Variants in CDIN1 observed in about 807,000 individuals in gnomAD.
CDIN1 encodes CDAN1 interacting nuclease 1.
Under a neutral mutation model 45.3 loss-of-function variants are expected in CDIN1, and 33 were observed. That is an observed-to-expected ratio of 0.73 (90% CI 0.55 to 0.97). The LOEUF is 0.97. Among genes scored for constraint, CDIN1 ranks in the 50% least tolerant of loss-of-function variants. The pLI, the probability that CDIN1 is intolerant of heterozygous loss-of-function variation, is 0.00. For synonymous variants in CDIN1, 118 were observed against 124.4 expected (o/e 0.95, Z 0.34); for missense variants, 303 against 339.4 (o/e 0.89, Z 0.84).
intron 1 of CDIN1, chr15:36,617,453 G>T: frequency 2.0e-6 from 2 of 1,002,484 alleles, no homozygotes; most frequent in South Asian, 2.5e-5. Context: ...CTAAAAGAAT[G>T]TCTAAAGAAA....
At chr15:36,742,079 A>C (rs936037672) in intron 10 of CDIN1, among the ~76,000 whole-genome samples, 1 of 152,206 alleles carries the variant, frequency 6.6e-6, no homozygotes, top group African/African-American at 2.4e-5. Flanking sequence ...GCGTAGATGA[A>C]ACCAATTATC....
chr15:36,694,472 G>A (rs1269287034), intron 7 of CDIN1, among the ~76,000 whole-genome samples: 1 of 152,158 alleles, frequency 6.6e-6, no homozygotes, highest in Non-Finnish European at 1.5e-5. Context: ...TTATGAAAAT[G>A]TTATGTTTGT....
Position 36,622,024 on chromosome 15 carries a change from A to G in CDIN1, c.102-22254A>G, listed in dbSNP as rs918890520. On this transcript the variant is annotated intron_variant, in intron 1 of 10. Transcript: ENST00000566621. ...ATCTTTCTTTTCCCTGTTTCATTTG[A>G]CACAATTCATTGAAATGATGACTAC... Among the ~76,000 whole-genome samples the G allele has an allele frequency of 1.6e-4, 25 of 152,284 alleles. 1 individual carries two copies. The East Asian group carries it at 3.1e-3, about 19-fold the overall frequency.
chr15:36,794,496 T>C (rs2054738835), intron 10 of CDIN1, among the ~76,000 whole-genome samples: 1 of 152,182 alleles, frequency 6.6e-6, no homozygotes, highest in Admixed American at 6.5e-5. Flanking sequence ...ACTTCCTCTT[T>C]TTATGATTTT....
chr15:36,648,040 C>T (rs1259981163), intron 3 of CDIN1, among the ~76,000 whole-genome samples: 3 of 151,976 alleles, frequency 2.0e-5, no homozygotes, highest in South Asian at 2.1e-4. Flanking sequence ...GGGGTTTCAC[C>T]GTGTTAGCCA....
chr15:36,637,252 A>G (rs2039937963), intron 1 of CDIN1, among the ~76,000 whole-genome samples: 2 of 152,248 alleles, frequency 1.3e-5, no homozygotes, highest in Admixed American at 1.3e-4. Flanking sequence ...AATTGAAGGT[A>G]AATCATACAC....
chr15:36,609,915 T>C (rs966625834), intron 1 of CDIN1, among the ~76,000 whole-genome samples: 8 of 152,186 alleles, frequency 5.3e-5, no homozygotes, highest in African/African-American at 1.9e-4. Context: ...AGTAAAGCTG[T>C]GAAAAGGAAA....
intron 5 of CDIN1, among the ~76,000 whole-genome samples, chr15:36,688,206 G>C (rs771704639): frequency 3.4e-4 from 52 of 151,824 alleles, no homozygotes; most frequent in Non-Finnish European, 4.7e-4. Context: ...CCAACATTTG[G>C]TCTCATGAAA....
At chr15:36,635,712 T>C (rs568052870) in intron 1 of CDIN1, among the ~76,000 whole-genome samples, 1 of 152,310 alleles carries the variant, frequency 6.6e-6, no homozygotes, top group South Asian at 2.1e-4. Context: ...TAAACTTTGT[T>C]CGGGGAGTTA....
At chr15:36,654,268 G>C in intron 4 of CDIN1, 110 bp downstream of exon 4, 1 of 831,292 alleles carries the variant, frequency 1.2e-6, no homozygotes, top group East Asian at 2.7e-5. Flanking sequence ...AGGATTTGAG[G>C]TGCATTAGAC....
intron 1 of CDIN1, among the ~76,000 whole-genome samples, chr15:36,636,244 T>G (rs1038519837): frequency 6.6e-6 from 1 of 152,286 alleles, no homozygotes; most frequent in East Asian, 1.9e-4. Flanking sequence ...AAATCTGCAC[T>G]GATGGAGTTA....
chr15:36,663,630 C>T (rs2041113083), intron 5 of CDIN1, among the ~76,000 whole-genome samples: 1 of 152,182 alleles, frequency 6.6e-6, no homozygotes, highest in Admixed American at 6.5e-5. Flanking sequence ...TCCCCTTCCA[C>T]CATCATCGTG....
intron 7 of CDIN1, among the ~76,000 whole-genome samples, chr15:36,695,160 A>G (rs912437353): frequency 6.6e-6 from 1 of 152,212 alleles, no homozygotes; most frequent in Non-Finnish European, 1.5e-5. Context: ...GATTTAAACC[A>G]TATTCACCTG....
At chr15:36,653,296 G>A (rs2040645185) in intron 3 of CDIN1, among the ~76,000 whole-genome samples, 1 of 152,032 alleles carries the variant, frequency 6.6e-6, no homozygotes, top group African/African-American at 2.4e-5. Flanking sequence ...GGATGGGAGC[G>A]GGAGACAGTG....
chr15:36,757,562 C>T (rs997319351), intron 10 of CDIN1, among the ~76,000 whole-genome samples: 4 of 152,110 alleles, frequency 2.6e-5, no homozygotes, highest in Non-Finnish European at 5.9e-5. Context: ...AGTTGAGCAC[C>T]GTTCTGAGGA....
chr15:36,691,994 C>G, intron 6 of CDIN1, 132 bp from the exon 7 acceptor site: 1 of 739,222 alleles, frequency 1.4e-6, no homozygotes, highest in Admixed American at 5.0e-5. Flanking sequence ...ATCCGAACCG[C>G]CTTTTGATAG....
In CDIN1 at chr15:36,809,971, A is replaced by G. The variant is rs941519292; in HGVS notation, c.*1518A>G. On this transcript the variant is annotated 3_prime_UTR_variant, in exon 11 of 11. Coordinates refer to ENST00000566621, the MANE Select transcript of CDIN1 (RefSeq NM_001321759.2). ...GTCAGGCAAACTTCTGTTTCAGTAT[A>G]AAATTCATCATGCAGGCTTCTGAGT... 1 of 152,140 alleles carries G rather than the reference A, an allele frequency of 6.6e-6. No individual in the cohort carries two copies. Among genetic ancestry groups the G allele is most frequent in the African/African-American group, 2.4e-5 (1 of 41,432 alleles). The allele number at this position is 152,140 out of a possible 1,614,324, so 9.4% of individuals were successfully genotyped here. A position where few individuals can be genotyped will look rare whatever the true frequency, so the allele number is the denominator to read the frequency against.
chr15:36,683,114 G>T (rs1205860584), intron 5 of CDIN1, among the ~76,000 whole-genome samples: 2 of 152,188 alleles, frequency 1.3e-5, no homozygotes. Context: ...TATTGTTTAA[G>T]TTTAAACATT....
chr15:36,737,904 ACCAGG>A (rs1202315476), intron 10 of CDIN1, among the ~76,000 whole-genome samples: 2 of 152,172 alleles, frequency 1.3e-5, no homozygotes, highest in Non-Finnish European at 2.9e-5. Flanking sequence ...GACCAAAATC[ACCAGG>A]TCAGAACTCA....
Sources: allele counts gnomAD v4.1 joint callset (sites outside exome capture counted in the v4.1 genomes callset), GRCh38; gene constraint gnomAD v4.1.1; transcripts MANE v1.5; gene names NCBI Gene and HGNC (gene_info 2026-07-23, HGNC 2026-07-21).